PTPRH: variants seen among roughly 807,000 people sequenced by gnomAD.
PTPRH encodes the protein protein tyrosine phosphatase receptor type H, also known as receptor-type tyrosine-protein phosphatase H.
A neutral mutation model predicts 130.2 loss-of-function variants in PTPRH; 113 were observed. The observed-to-expected ratio is 0.87, with a 90% CI of 0.75 to 1.01. PTPRH has a LOEUF of 1.01. PTPRH is among the 50% of genes least tolerant of loss of function. PTPRH has a pLI of 0.00. For missense variants in PTPRH, 1,430 were observed against 1,425.0 expected, an observed-to-expected ratio of 1.00 and a Z score of -0.06; for synonymous variants, 556 against 577.9, an observed-to-expected ratio of 0.96 and a Z score of 0.54.
chr19:55,187,321 G>T, intron 14 of PTPRH, among the ~76,000 whole-genome samples, 192 bp downstream of exon 14: 1 of 129,380 alleles, frequency 7.7e-6, no homozygotes, highest in Non-Finnish European at 1.6e-5. Context: ...CTCCAGCCTG[G>T]GTGACAGAGC....
At position 55,186,229 on chromosome 19, in the gene PTPRH, C is replaced by G. The variant is rs756570982; in HGVS notation, c.2774G>C (p.Gly925Ala). The change falls in exon 16 of 20, where the codon GGC becomes GCC. Residue 925 changes from glycine to alanine, a missense_variant. By Grantham distance (60) the Gly-to-Ala change is moderately conservative. Coordinates refer to ENST00000376350, the MANE Select transcript of PTPRH (RefSeq NM_002842.5). ...CCCAGGACTCAGATCTCTCACCCGG[C>G]CGGCCTCCATGCAGTTGGTCAGCAT... The part of the protein sequence containing the change: ...LVMLTNCMEA[G>A]RVKCEHYWPL... 8.1e-6 allele frequency: 13 copies of G among 1,608,384 alleles called. No individual in the cohort carries two copies. In the Admixed American group the frequency reaches 1.0e-4, roughly 12 times the overall value.
intron 3 of PTPRH, among the ~76,000 whole-genome samples, chr19:55,206,150 T>C (rs1382436547): frequency 6.6e-6 from 1 of 151,696 alleles, no homozygotes; most frequent in Non-Finnish European, 1.5e-5. Context: ...GGAGAATCAC[T>C]TGAACCCAGG....
intron 12 of PTPRH, 47 bp from the exon 13 acceptor site, chr19:55,188,215 A>G (rs1210885075): frequency 6.7e-7 from 1 of 1,487,346 alleles, no homozygotes. Flanking sequence ...ACTTCTTTTA[A>G]TCTTGCACTT....
intron 10 of PTPRH, chr19:55,193,935 G>T: frequency 3.5e-6 from 1 of 284,558 alleles, no homozygotes; most frequent in Non-Finnish European, 7.0e-6. Flanking sequence ...CGCAACCTCC[G>T]CCTCCTGGGT....
chr19:55,192,313 A>G (rs999071559), intron 10 of PTPRH, among the ~76,000 whole-genome samples: 5 of 151,636 alleles, frequency 3.3e-5, no homozygotes, highest in Non-Finnish European at 7.4e-5. Flanking sequence ...GAGGCAGGAG[A>G]ATGGCGTGAA....
chr19:55,190,601 T>G (rs1337740054), intron 12 of PTPRH, among the ~76,000 whole-genome samples: 1 of 113,786 alleles, frequency 8.8e-6, no homozygotes, highest in Non-Finnish European at 1.9e-5. Context: ...AATTTATATA[T>G]TATATATTAT....
intron 14 of PTPRH, 99 bp downstream of exon 14, chr19:55,187,414 G>A: frequency 2.4e-6 from 2 of 817,470 alleles, no homozygotes; most frequent in Non-Finnish European, 4.0e-6. Context: ...CACGGTAGGG[G>A]GCAGGACTTG....
At chr19:55,204,896 C>T (rs868752368) in intron 4 of PTPRH, among the ~76,000 whole-genome samples, 11 of 152,262 alleles carry the variant, frequency 7.2e-5, no homozygotes, top group Middle Eastern at 6.8e-3. Flanking sequence ...GCTACCATAT[C>T]GGACAATGGA....
chr19:55,192,066 C>T, intron 10 of PTPRH: 1 of 458,200 alleles, frequency 2.2e-6, no homozygotes, highest in Non-Finnish European at 4.2e-6. Flanking sequence ...TTAGGATATT[C>T]TTAGTAACAT....
Position 55,205,350 on chromosome 19 carries a change from G to A in PTPRH, c.595C>T (p.Arg199Trp), listed in dbSNP as rs543450987. The change falls in exon 4 of 20, where the codon CGG becomes TGG. Residue 199 changes from arginine to tryptophan, a missense_variant. Physicochemically the swap from Arg to Trp is moderately radical, Grantham distance 101 (BLOSUM62 -3). Transcript: ENST00000376350. ...WVGKNGINSS[R>W]ETRNATTAHN... ...CCTGTGGTGGCATTTCGAGTCTCCC[G>A]GGAGCTGTTGATTCCATTCTTTCCC... 8.1e-5 allele frequency: 130 copies of A among 1,613,732 alleles called. No individual in the cohort carries two copies. The Admixed American group carries it at 9.3e-4, about 12-fold the overall frequency.
chr19:55,189,633 C>T (rs2086465888), intron 12 of PTPRH: 4 of 454,930 alleles, frequency 8.8e-6, no homozygotes, highest in South Asian at 6.2e-5. Context: ...GGCCTGTACT[C>T]AGATGACTTC....
At chr19:55,200,116 A>T in intron 7 of PTPRH, 120 bp downstream of exon 7, 1 of 1,158,672 alleles carries the variant, frequency 8.6e-7, no homozygotes, top group Non-Finnish European at 1.2e-6. Flanking sequence ...GTGGACTTGG[A>T]GAGGCAGATG....
chr19:55,197,248 T>G lies in PTPRH; in HGVS notation c.1859A>C (p.Asn620Thr). ...RGQDPQANWV[N>T]QTSRTNETWY... ...CGTCTCATTGGTCCTGCTGGTCTGG[T>G]TGACCCAATTCGCTTGGGGATCTTG... Residue 620 changes from asparagine (N) to threonine (T), a missense_variant, in exon 9 of 20, where the codon AAC becomes ACC. Transcript: ENST00000376350. 1 of 1,614,280 alleles carries G rather than the reference T, an allele frequency of 6.2e-7. No individual in the cohort carries two copies. The highest frequency in any genetic ancestry group is 1.1e-5 in the South Asian group (1 of 91,084).
At position 55,202,280 on chromosome 19, in the gene PTPRH, T is replaced by C; in HGVS notation, c.929A>G (p.Asn310Ser). ...CTCCCAGGTCAGGGCGATGGAGCTG[T>C]TGGTCTGAGCCTCCACTGTCAGGTT... ...VRNLTVEAQTNSSIALTWEVP... is the reference protein window; with the variant it reads ...VRNLTVEAQTSSSIALTWEVP... Residue 310 changes from asparagine to serine, a missense_variant, in exon 6 of 20, where the codon AAC becomes AGC. By Grantham distance (46) the Asn-to-Ser change is conservative (BLOSUM62 1). Transcript: ENST00000376350. The C allele has an allele frequency of 1.2e-6, 2 of 1,614,210 alleles. No individual in the cohort carries two copies. The highest frequency in any genetic ancestry group is 1.3e-5 in the African/African-American group (1 of 75,064).
In PTPRH at chr19:55,203,690, C is replaced by T. The variant is rs576930399; in HGVS notation, c.886+92G>A. ...TGGCTTCCACTGTGTTTCTATTGGA[C>T]TAAAGAACCTGTCACATTTTGTCAG... On this transcript the variant is annotated intron_variant, in intron 5 of 19. Transcript: ENST00000376350. The T allele has an allele frequency of 4.9e-6, 7 of 1,438,552 alleles. No individual in the cohort carries two copies. The South Asian group carries it at 8.8e-5, about 18-fold the overall frequency. The allele number at this position is 1,438,552 out of a possible 1,614,324, so 89.1% of individuals were successfully genotyped here.
At chr19:55,204,251 G>A (rs543680867) in intron 4 of PTPRH, among the ~76,000 whole-genome samples, 3 of 152,042 alleles carry the variant, frequency 2.0e-5, no homozygotes, top group Admixed American at 6.6e-5. Flanking sequence ...TCCCGAGTAG[G>A]TGGGACTACA....
In PTPRH at chr19:55,196,538, GCAGACCA is replaced by G; in HGVS notation, c.2234_2240del (p.Val745AlafsTer26). 1 of 1,611,570 alleles carries G rather than the reference GCAGACCA, an allele frequency of 6.2e-7. No homozygotes were observed. The highest frequency in any genetic ancestry group is 2.2e-5 in the East Asian group (1 of 44,856). On this transcript the variant is annotated frameshift_variant, in exon 10 of 20. Coordinates refer to ENST00000376350, the MANE Select transcript of PTPRH (RefSeq NM_002842.5). LOFTEE classifies it high-confidence loss of function. The stretch of plus-strand genomic sequence containing the variant: ...TCCGCTCACCTGCACTCTCGGTGTG[GCAGACCA>G]CAGAGTGAGACACGACCTTCATTCC...
At chr19:55,185,453 C>T (rs969348065) in intron 18 of PTPRH, 49 bp downstream of exon 18, 1 of 1,598,962 alleles carries the variant, frequency 6.3e-7, no homozygotes, top group Non-Finnish European at 8.5e-7. Context: ...CTGTCTGAGC[C>T]CCAAGGGAGC....
rs765311596 is a variant in PTPRH, at chr19:55,198,630, G to C, written c.1690+13C>G. 34 of 1,587,436 alleles carry C rather than the reference G, an allele frequency of 2.1e-5. No homozygotes were observed. The highest frequency in any genetic ancestry group is 1.1e-4 in the African/African-American group (8 of 74,284). On this transcript the variant is annotated intron_variant, in intron 8 of 19. Transcript: ENST00000376350. ...TCCTAATAGGGCTGGGTTCAGAACC[G>C]ACTGTGTCTCACCAGTGGCTGCAGT...
Sources: allele counts gnomAD v4.1 joint callset (sites outside exome capture counted in the v4.1 genomes callset), GRCh38; gene constraint gnomAD v4.1.1; transcripts MANE v1.5; gene names NCBI Gene and HGNC (gene_info 2026-07-23, HGNC 2026-07-21).